HS6ST3: variants seen among roughly 807,000 people sequenced by gnomAD.
The protein encoded by HS6ST3 is heparan-sulfate 6-O-sulfotransferase 3.
In HS6ST3, 12 loss-of-function variants were observed where a neutral mutation model predicts 36.7. The observed-to-expected ratio is 0.33, with a 90% confidence interval of 0.21 to 0.53. HS6ST3 has a LOEUF of 0.53. Ranked by LOEUF, HS6ST3 falls within the 20% of genes least tolerant of loss-of-function variation. HS6ST3 has a pLI of 0.95. For missense variants in HS6ST3, 584 were observed against 640.9 expected (o/e 0.91, Z 0.96); for synonymous variants, 240 against 257.5 (o/e 0.93, Z 0.65).
At chr13:96,451,545 A>G (rs7322060) in intron 1 of HS6ST3, among the ~76,000 whole-genome samples, 2,201 of 152,312 alleles carry the variant, frequency 0.014, 46 homozygotes, top group African/African-American at 0.047. Context: ...CCTCATTAGT[A>G]GTGATTAGGT....
At chr13:96,520,895 T>C (rs761843907) in intron 1 of HS6ST3, among the ~76,000 whole-genome samples, 9 of 152,058 alleles carry the variant, frequency 5.9e-5, no homozygotes, top group Non-Finnish European at 1.3e-4. Context: ...TGAATAGGAG[T>C]GATGAGAGAG....
chr13:96,549,736 T>C (rs2056212332), intron 1 of HS6ST3, among the ~76,000 whole-genome samples: 1 of 152,190 alleles, frequency 6.6e-6, no homozygotes, highest in Admixed American at 6.5e-5. Flanking sequence ...CCTTGATAGC[T>C]GTACCAAGAT....
intron 1 of HS6ST3, among the ~76,000 whole-genome samples, chr13:96,771,187 C>T (rs1208021749): frequency 7.4e-5 from 11 of 147,900 alleles, no homozygotes; most frequent in Admixed American, 1.4e-4. Flanking sequence ...AAACCAACAC[C>T]GCATGTTCTC....
intron 1 of HS6ST3, among the ~76,000 whole-genome samples, chr13:96,372,269 A>G (rs1197355519): frequency 1.3e-5 from 2 of 152,098 alleles, no homozygotes; most frequent in East Asian, 1.9e-4. Flanking sequence ...CCTGTTGGCC[A>G]TTTGTATGTT....
intron 1 of HS6ST3, among the ~76,000 whole-genome samples, chr13:96,705,440 G>T (rs571262135): frequency 6.1e-4 from 93 of 152,240 alleles, no homozygotes; most frequent in Non-Finnish European, 1.2e-3. Context: ...GGGATACTGT[G>T]TATTTTGGCA....
chr13:96,383,842 T>G (rs2055354216), intron 1 of HS6ST3, among the ~76,000 whole-genome samples: 1 of 151,958 alleles, frequency 6.6e-6, no homozygotes, highest in African/African-American at 2.4e-5. Flanking sequence ...CGAGGTTAGG[T>G]CAGAGGTCAG....
intron 1 of HS6ST3, among the ~76,000 whole-genome samples, chr13:96,484,846 C>T (rs2055906473): frequency 6.6e-6 from 1 of 151,946 alleles, no homozygotes; most frequent in African/African-American, 2.4e-5. Context: ...ATTTCATTTC[C>T]TTTGGATGTA....
At chr13:96,200,954 A>C (rs1432075573) in intron 1 of HS6ST3, among the ~76,000 whole-genome samples, 1 of 152,198 alleles carries the variant, frequency 6.6e-6, no homozygotes, top group Non-Finnish European at 1.5e-5. Context: ...AGCCCAGGCT[A>C]GAAAACTTAC....
intron 1 of HS6ST3, among the ~76,000 whole-genome samples, chr13:96,389,915 TACTGAGGCCCA>T (rs1455714632): frequency 6.6e-6 from 1 of 152,192 alleles, no homozygotes; most frequent in East Asian, 1.9e-4. Flanking sequence ...ATTTTATGTT[TACTGAGGCCCA>T]ACTCAGCAAG....
chr13:96,317,359 TATATATATAAAATTA>T (rs1566322134), intron 1 of HS6ST3, among the ~76,000 whole-genome samples: 13 of 33,552 alleles, frequency 3.9e-4, no homozygotes, highest in Non-Finnish European at 4.4e-4. Context: ...TATATATATA[TATATATATAAAATTA>T]TATATATATA....
intron 1 of HS6ST3, among the ~76,000 whole-genome samples, chr13:96,519,170 C>G (rs1393425656): frequency 1.3e-5 from 2 of 152,164 alleles, no homozygotes; most frequent in Admixed American, 6.5e-5. Flanking sequence ...ACAGAAAAGG[C>G]TGGGCAATCC....
chr13:96,204,912 A>G (rs1293439740), intron 1 of HS6ST3, among the ~76,000 whole-genome samples: 1 of 152,152 alleles, frequency 6.6e-6, no homozygotes, highest in Non-Finnish European at 1.5e-5. Flanking sequence ...ACAACCTAAC[A>G]TCTCAATTAA....
At chr13:96,297,103 A>G (rs1385814134) in intron 1 of HS6ST3, among the ~76,000 whole-genome samples, 4 of 152,074 alleles carry the variant, frequency 2.6e-5, no homozygotes, top group Admixed American at 1.3e-4. Flanking sequence ...TCAATGGCCT[A>G]TCACATTGGG....
At chr13:96,614,027 G>A (rs988036386) in intron 1 of HS6ST3, among the ~76,000 whole-genome samples, 3 of 151,998 alleles carry the variant, frequency 2.0e-5, no homozygotes, top group African/African-American at 4.8e-5. Flanking sequence ...GGCCGGGCGC[G>A]GTGGCTCACC....
chr13:96,263,055 A>G (rs1212279676), intron 1 of HS6ST3, among the ~76,000 whole-genome samples: 1 of 152,204 alleles, frequency 6.6e-6, no homozygotes, highest in African/African-American at 2.4e-5. Flanking sequence ...CAAAACAAAA[A>G]TTTGAAATTA....
intron 1 of HS6ST3, among the ~76,000 whole-genome samples, chr13:96,773,193 G>C (rs892301846): frequency 6.6e-5 from 10 of 152,216 alleles, no homozygotes. Context: ...TCCTTTGGGT[G>C]CTTATGCCAC....
chr13:96,712,306 A>G (rs1437037774), intron 1 of HS6ST3, among the ~76,000 whole-genome samples: 1 of 152,190 alleles, frequency 6.6e-6, no homozygotes, highest in African/African-American at 2.4e-5. Context: ...ATCTCTCTTG[A>G]TATCCAGATC....
chr13:96,109,225 G>A (rs1159889283), intron 1 of HS6ST3, among the ~76,000 whole-genome samples: 5 of 152,172 alleles, frequency 3.3e-5, no homozygotes, highest in African/African-American at 1.2e-4. Context: ...TTTTCCGGTA[G>A]ACAGATGACC....
At chr13:96,547,222 G>C (rs911175670) in intron 1 of HS6ST3, among the ~76,000 whole-genome samples, 1 of 152,324 alleles carries the variant, frequency 6.6e-6, no homozygotes, top group Non-Finnish European at 1.5e-5. Flanking sequence ...AGAACAATTA[G>C]ATAGTGCAGG....
Sources: gnomAD v4.1 joint callset for allele counts (sites outside exome capture counted in the v4.1 genomes callset) on GRCh38, gnomAD v4.1.1 for gene constraint, MANE v1.5 for transcripts, NCBI Gene and HGNC (gene_info 2026-07-23, HGNC 2026-07-21) for gene names.